CPPED1: variants seen among roughly 807,000 people sequenced by gnomAD.
CPPED1 encodes the protein calcineurin like phosphoesterase domain containing 1, also known as serine/threonine-protein phosphatase CPPED1.
A neutral mutation model predicts 28.0 loss-of-function variants in CPPED1; 28 were observed. The ratio of observed to expected loss-of-function variants is 1.00; its 90% CI spans 0.74 to 1.37. CPPED1 has a LOEUF of 1.37. Ranked by LOEUF, CPPED1 falls within the 40% of genes most tolerant of loss-of-function variation. The pLI, the probability that CPPED1 is intolerant of heterozygous loss-of-function variation, is 0.00. For missense variants in CPPED1, 504 were observed against 416.5 expected, an observed-to-expected ratio of 1.21 and a Z score of -1.83; for synonymous variants, 198 against 180.2, an observed-to-expected ratio of 1.10 and a Z score of -0.79.
chr16:12,783,688 C>G (rs909713611), intron 1 of CPPED1, among the ~76,000 whole-genome samples: 2 of 152,014 alleles, frequency 1.3e-5, no homozygotes, highest in Non-Finnish European at 2.9e-5. Flanking sequence ...GGTTTCAAGC[C>G]TCCTTTCCCT....
At chr16:12,750,958 ACT>A (rs1198831848) in intron 2 of CPPED1, among the ~76,000 whole-genome samples, 2 of 152,122 alleles carry the variant, frequency 1.3e-5, no homozygotes, top group East Asian at 3.9e-4. Context: ...ACAGAGCAAG[ACT>A]CTGTCTCAAA....
intron 2 of CPPED1, among the ~76,000 whole-genome samples, chr16:12,744,583 G>C (rs2080275242): frequency 6.6e-6 from 1 of 152,188 alleles, no homozygotes; most frequent in African/African-American, 2.4e-5. Flanking sequence ...CGGACTGCAG[G>C]ATTTCTAGGC....
At chr16:12,678,117 C>G (rs906454931) in intron 3 of CPPED1, among the ~76,000 whole-genome samples, 4 of 152,172 alleles carry the variant, frequency 2.6e-5, no homozygotes, top group Admixed American at 6.5e-5. Flanking sequence ...CTGAAAGTTT[C>G]TGTGCTTCTC....
chr16:12,693,499 C>A (rs79178361), intron 3 of CPPED1, among the ~76,000 whole-genome samples: 1 of 151,792 alleles, frequency 6.6e-6, no homozygotes, highest in Non-Finnish European at 1.5e-5. Flanking sequence ...CCTGGCCATG[C>A]TATTTTTTTT....
chr16:12,692,833 G>C (rs975457274), intron 3 of CPPED1, among the ~76,000 whole-genome samples: 1 of 152,208 alleles, frequency 6.6e-6, no homozygotes, highest in Non-Finnish European at 1.5e-5. Context: ...CAGGGAGAAA[G>C]AGCACGCAGC....
At chr16:12,782,114 C>T (rs1339658844) in intron 1 of CPPED1, among the ~76,000 whole-genome samples, 5 of 152,180 alleles carry the variant, frequency 3.3e-5, no homozygotes, top group Admixed American at 2.6e-4. Context: ...ATTCTGCTTG[C>T]TCTTCCGACT....
intron 3 of CPPED1, among the ~76,000 whole-genome samples, chr16:12,668,264 T>C (rs1331528408): frequency 2.0e-5 from 3 of 152,184 alleles, no homozygotes; most frequent in African/African-American, 7.2e-5. Flanking sequence ...CGCCAATATT[T>C]TGGTAAACTG....
At chr16:12,717,252 T>C (rs1318686551) in intron 2 of CPPED1, among the ~76,000 whole-genome samples, 1 of 152,196 alleles carries the variant, frequency 6.6e-6, no homozygotes, top group Non-Finnish European at 1.5e-5. Context: ...TCTGAATCTA[T>C]AAGAATCCTA....
At chr16:12,782,563 C>G (rs1437112507) in intron 1 of CPPED1, among the ~76,000 whole-genome samples, 1 of 83,434 alleles carries the variant, frequency 1.2e-5, no homozygotes, top group African/African-American at 4.0e-5. Flanking sequence ...TTTTTTTTTT[C>G]ATAATTTAAT....
At chr16:12,716,408 C>A (rs2080107338) in intron 2 of CPPED1, among the ~76,000 whole-genome samples, 1 of 152,230 alleles carries the variant, frequency 6.6e-6, no homozygotes, top group South Asian at 2.1e-4. Context: ...CAATTACATG[C>A]AGATTCACTA....
At chr16:12,752,437 T>C (rs2141219447) in intron 2 of CPPED1, among the ~76,000 whole-genome samples, 1 of 152,158 alleles carries the variant, frequency 6.6e-6, no homozygotes, top group South Asian at 2.1e-4. Flanking sequence ...TAATTCTCTC[T>C]AACGGCCTTC....
intron 2 of CPPED1, among the ~76,000 whole-genome samples, chr16:12,741,372 T>C (rs906356754): frequency 1.3e-5 from 2 of 148,942 alleles, no homozygotes; most frequent in African/African-American, 2.5e-5. Context: ...GAGGCTCACA[T>C]GTGAGTGGAG....
chr16:12,784,128 T>C (rs146592225), intron 1 of CPPED1, among the ~76,000 whole-genome samples: 211 of 152,354 alleles, frequency 1.4e-3, no homozygotes, highest in African/African-American at 4.8e-3. Flanking sequence ...CTTTCATCTC[T>C]TTCTCTTTCT....
Position 12,682,263 on chromosome 16 carries a change from G to T in CPPED1, c.716-17148C>A, listed in dbSNP as rs531780189. Among the ~76,000 whole-genome samples, 1 of 152,146 alleles carries T rather than the reference G, an allele frequency of 6.6e-6. No individual in the cohort carries two copies. Among genetic ancestry groups the T allele is most frequent in the African/African-American group, 2.4e-5 (1 of 41,530 alleles). On this transcript the variant is annotated intron_variant, in intron 3 of 3. Transcript: ENST00000381774. The surrounding 1 kb of genome is among the most constrained non-coding windows in gnomAD (Gnocchi z 6.1). The stretch of plus-strand genomic sequence containing the variant: ...TTGGCCAGGCTGATCTCAAACTCCT[G>T]AACTCAGGTGATCGACCCACTTTGG...
At chr16:12,687,731 G>A (rs2079940758) in intron 3 of CPPED1, among the ~76,000 whole-genome samples, 1 of 152,138 alleles carries the variant, frequency 6.6e-6, no homozygotes, top group African/African-American at 2.4e-5. Flanking sequence ...AGAGGAAAGA[G>A]AGGCACCAGG....
intron 2 of CPPED1, among the ~76,000 whole-genome samples, chr16:12,725,377 A>C (rs1415021281): frequency 6.6e-6 from 1 of 152,226 alleles, no homozygotes; most frequent in African/African-American, 2.4e-5. Context: ...TACAGGCATA[A>C]GCCACTGTGC....
In CPPED1 at chr16:12,734,058, G is replaced by GTTTTTTTTTT. The variant is rs71142517; in HGVS notation, c.290-29019_290-29010dup. Among the ~76,000 whole-genome samples, 24 of 64,422 alleles carry GTTTTTTTTTT rather than the reference G, an allele frequency of 3.7e-4. 4 individuals carry two copies. Among genetic ancestry groups the GTTTTTTTTTT allele is most frequent in the African/African-American group, 1.6e-3 (19 of 11,720 alleles). The allele number at this position is 64,422 out of a possible 152,430, so 42.3% of individuals were successfully genotyped here. A position where few individuals can be genotyped will look rare whatever the true frequency, so the allele number is the denominator to read the frequency against. ...CTTTGTCTCTGTTTTCAAATTACAC[G>GTTTTTTTTTT]TTTTTTTTTTTTTTTTTTTTTTTTT... On this transcript the variant is annotated intron_variant, in intron 2 of 3. Transcript: ENST00000381774.
At position 12,688,922 on chromosome 16, in the gene CPPED1, C is replaced by A. The variant is rs1262296994; in HGVS notation, c.715+15702G>T. ...CGACACACAGTCACATGTGGCCTTA[C>A]TTACCAAGACTGATTGCAGGCATTT... is the stretch of plus-strand genomic sequence containing the variant. On this transcript the variant is annotated intron_variant, in intron 3 of 3. Transcript: ENST00000381774. 2.6e-5 allele frequency among the ~76,000 whole-genome samples: 4 copies of A among 152,174 alleles called. No individual in the cohort carries two copies. In the East Asian group the frequency reaches 5.8e-4, roughly 22 times the overall value.
intron 3 of CPPED1, among the ~76,000 whole-genome samples, chr16:12,697,526 G>T (rs896650632): frequency 3.3e-5 from 5 of 152,270 alleles, no homozygotes; most frequent in Middle Eastern, 3.4e-3. Context: ...CCTAAACTTA[G>T]ACACATACAG....
Sources: allele counts gnomAD v4.1 joint callset (sites outside exome capture counted in the v4.1 genomes callset), GRCh38; gene constraint gnomAD v4.1.1; non-coding constraint Gnocchi (gnomAD v3.1); transcripts MANE v1.5; gene names NCBI Gene and HGNC (gene_info 2026-07-23, HGNC 2026-07-21).